Variants in NXPH2 observed in about 807,000 individuals in gnomAD.
NXPH2 encodes the protein neurexophilin-2.
Under a neutral mutation model 19.8 loss-of-function variants are expected in NXPH2, and 5 were observed. That is an observed-to-expected ratio of 0.25 (90% CI 0.13 to 0.53). NXPH2 has a LOEUF of 0.53. NXPH2 is among the 20% of genes least tolerant of loss of function. The pLI, the probability that NXPH2 is intolerant of heterozygous loss-of-function variation, is 0.96. For missense variants in NXPH2, 289 were observed against 322.8 expected (o/e 0.90, Z 0.80); for synonymous variants, 154 against 127.4 (o/e 1.21, Z -1.41).
At position 138,689,507 on chromosome 2, in the gene NXPH2, A is replaced by T. The variant is rs1382565561; in HGVS notation, c.52-17842T>A. Among the ~76,000 whole-genome samples the T allele has an allele frequency of 2.6e-5, 4 of 152,148 alleles. No homozygotes were observed. The East Asian group carries it at 7.7e-4, about 29-fold the overall frequency. On this transcript the variant is annotated intron_variant, in intron 1 of 1. Transcript: ENST00000272641. ...CAAAGCATCCACTAAATTGCCAAGG[A>T]GGGAGCAAGCTTTTCCAGGAGTGCC...
intron 1 of NXPH2, among the ~76,000 whole-genome samples, chr2:138,708,089 T>C (rs1234322867): frequency 6.6e-6 from 1 of 152,242 alleles, no homozygotes; most frequent in Non-Finnish European, 1.5e-5. Flanking sequence ...TGTGGCACTG[T>C]GCTTGTCTTG....
intron 1 of NXPH2, among the ~76,000 whole-genome samples, chr2:138,689,395 TAA>T (rs1209743283): frequency 1.3e-5 from 2 of 152,004 alleles, no homozygotes; most frequent in East Asian, 3.9e-4. Context: ...TTCTGGAAAA[TAA>T]AGACTGTGAC....
intron 1 of NXPH2, among the ~76,000 whole-genome samples, chr2:138,697,431 T>C (rs1268962903): frequency 6.6e-6 from 1 of 152,092 alleles, no homozygotes; most frequent in Non-Finnish European, 1.5e-5. Flanking sequence ...ATGGTAAGAA[T>C]ATACATTTAA....
intron 1 of NXPH2, among the ~76,000 whole-genome samples, chr2:138,738,130 T>C (rs919392697): frequency 2.7e-5 from 4 of 149,094 alleles, no homozygotes; most frequent in Admixed American, 6.7e-5. Flanking sequence ...TGTGTTCTCA[T>C]TGTTCAATTC....
intron 1 of NXPH2, among the ~76,000 whole-genome samples, chr2:138,736,041 C>G (rs1473046787): frequency 6.6e-6 from 1 of 152,226 alleles, no homozygotes. Flanking sequence ...CTGCAGGGTA[C>G]AGCCTCCCTC....
At chr2:138,707,863 C>T (rs529440543) in intron 1 of NXPH2, among the ~76,000 whole-genome samples, 4 of 151,964 alleles carry the variant, frequency 2.6e-5, no homozygotes, top group Admixed American at 2.0e-4. Flanking sequence ...CCAATAGGTC[C>T]CTCTCTCTCT....
intron 1 of NXPH2, among the ~76,000 whole-genome samples, chr2:138,753,416 C>T (rs1236972866): frequency 6.6e-6 from 1 of 152,024 alleles, no homozygotes; most frequent in Non-Finnish European, 1.5e-5. Context: ...ATATTTCCTG[C>T]CCAGGTTCTA....
At chr2:138,695,564 G>A (rs1680817667) in intron 1 of NXPH2, among the ~76,000 whole-genome samples, 2 of 151,866 alleles carry the variant, frequency 1.3e-5, no homozygotes, top group Admixed American at 6.6e-5. Flanking sequence ...AAATTTTTTT[G>A]AGGTAAAAAT....
chr2:138,680,934 A>G (rs1427583960), intron 1 of NXPH2, among the ~76,000 whole-genome samples: 1 of 152,150 alleles, frequency 6.6e-6, no homozygotes, highest in Non-Finnish European at 1.5e-5. Flanking sequence ...CTTGGTGACT[A>G]TTTTCATGAC....
Position 138,780,360 on chromosome 2 carries a change from A to C in NXPH2, c.-119T>G, listed in dbSNP as rs1682334760. 2.3e-6 allele frequency: 1 copy of C among 440,736 alleles called. No homozygotes were observed. The highest frequency in any genetic ancestry group is 3.2e-6 in the Non-Finnish European group (1 of 314,364). 27.3% of individuals were successfully genotyped at this position (440,736 alleles called of 1,614,324 possible). ...CACAGCGCGGCGCTTCCCTCCCGGA[A>C]TCCGAGCGCTGCGCCGTGCCGCGCA... On this transcript the variant is annotated 5_prime_UTR_variant, in exon 1 of 2. Coordinates refer to ENST00000272641, the MANE Select transcript of NXPH2 (RefSeq NM_007226.3).
intron 1 of NXPH2, among the ~76,000 whole-genome samples, chr2:138,711,077 C>A (rs951197734): frequency 1.5e-4 from 22 of 151,302 alleles, no homozygotes; most frequent in Non-Finnish European, 3.2e-4. Context: ...ATTTAAAAAT[C>A]TCACCCAGAG....
intron 1 of NXPH2, among the ~76,000 whole-genome samples, chr2:138,743,318 C>T (rs1681674048): frequency 6.6e-6 from 1 of 152,108 alleles, no homozygotes; most frequent in Admixed American, 6.6e-5. Flanking sequence ...AAATGTGGTA[C>T]ATCCATACAA....
intron 1 of NXPH2, among the ~76,000 whole-genome samples, chr2:138,763,430 T>C (rs1295850274): frequency 1.3e-5 from 2 of 152,204 alleles, no homozygotes; most frequent in African/African-American, 2.4e-5. Flanking sequence ...GCATAGCATA[T>C]TGTAGTGAGA....
At chr2:138,737,488 G>T (rs1007133768) in intron 1 of NXPH2, among the ~76,000 whole-genome samples, 3 of 152,186 alleles carry the variant, frequency 2.0e-5, no homozygotes, top group Admixed American at 2.0e-4. Context: ...TCCCACAACA[G>T]AAGGGAATTA....
chr2:138,697,037 A>G (rs1441576084), intron 1 of NXPH2, among the ~76,000 whole-genome samples: 1 of 152,166 alleles, frequency 6.6e-6, no homozygotes, highest in Non-Finnish European at 1.5e-5. Flanking sequence ...AACTGGTAAC[A>G]TGCAACAACA....
intron 1 of NXPH2, among the ~76,000 whole-genome samples, chr2:138,750,969 C>T (rs1681820286): frequency 6.6e-6 from 1 of 152,032 alleles, no homozygotes; most frequent in Non-Finnish European, 1.5e-5. Context: ...TCATCTAGGC[C>T]TTCTCTTGCA....
intron 1 of NXPH2, among the ~76,000 whole-genome samples, chr2:138,773,138 T>C (rs1425191859): frequency 6.6e-6 from 1 of 152,138 alleles, no homozygotes; most frequent in Admixed American, 6.5e-5. Flanking sequence ...GAGTTAACAG[T>C]AAAACATCCA....
chr2:138,763,346 TAAACTTTAG>T (rs1358650914), intron 1 of NXPH2, among the ~76,000 whole-genome samples: 1 of 152,160 alleles, frequency 6.6e-6, no homozygotes, highest in Non-Finnish European at 1.5e-5. Context: ...GAACTGAATC[TAAACTTTAG>T]AAATAATATT....
chr2:138,748,994 C>T (rs999305081), intron 1 of NXPH2, among the ~76,000 whole-genome samples: 2 of 152,118 alleles, frequency 1.3e-5, no homozygotes, highest in Non-Finnish European at 2.9e-5. Context: ...TCATCTAGTC[C>T]TAAAGTTTTA....
Sources: allele counts gnomAD v4.1 joint callset (sites outside exome capture counted in the v4.1 genomes callset), GRCh38; gene constraint gnomAD v4.1.1; transcripts MANE v1.5; gene names NCBI Gene and HGNC (gene_info 2026-07-23, HGNC 2026-07-21).